MAST4: variants seen among roughly 807,000 people sequenced by gnomAD.
MAST4 encodes microtubule-associated serine/threonine-protein kinase 4.
In MAST4, 89 loss-of-function variants were observed where a neutral mutation model predicts 162.7. The observed-to-expected ratio is 0.55, with a 90% confidence interval of 0.46 to 0.65. The LOEUF is 0.65. Ranked by LOEUF, MAST4 falls within the 30% of genes least tolerant of loss-of-function variation. The pLI is 0.00. For missense variants in MAST4, 3,153 were observed against 3,374.0 expected (o/e 0.93, Z 1.62); for synonymous variants, 1,479 against 1,361.1 (o/e 1.09, Z -1.91).
chr5:66,741,705 G>A (rs1373370031), intron 1 of MAST4, among the ~76,000 whole-genome samples: 3 of 152,114 alleles, frequency 2.0e-5, no homozygotes, highest in African/African-American at 7.2e-5. Flanking sequence ...AGAGAAATAT[G>A]TGGAATTGGA....
At chr5:66,604,656 G>A (rs1742763653) in intron 1 of MAST4, among the ~76,000 whole-genome samples, 2 of 152,166 alleles carry the variant, frequency 1.3e-5, no homozygotes, top group African/African-American at 4.8e-5. Flanking sequence ...CTTAGAACTT[G>A]GCTAGCTCCT....
At chr5:67,157,869 A>G (rs1308459115) in intron 26 of MAST4, among the ~76,000 whole-genome samples, 1 of 152,240 alleles carries the variant, frequency 6.6e-6, no homozygotes, top group Admixed American at 6.5e-5. Context: ...GTTTGTGAAA[A>G]TAAATTTAGA....
intron 1 of MAST4, among the ~76,000 whole-genome samples, chr5:66,643,232 T>C (rs1385522969): frequency 6.6e-6 from 1 of 152,164 alleles, no homozygotes; most frequent in African/African-American, 2.4e-5. Context: ...GGGAACCATA[T>C]TTTCTCAGAA....
intron 3 of MAST4, among the ~76,000 whole-genome samples, chr5:66,882,304 A>G (rs1456507379): frequency 1.3e-5 from 2 of 152,118 alleles, no homozygotes; most frequent in Non-Finnish European, 2.9e-5. Flanking sequence ...GTCCTTGGAC[A>G]TTATCTACTT....
intron 1 of MAST4, among the ~76,000 whole-genome samples, chr5:66,618,032 A>AGGGGG (rs200289959): frequency 3.4e-5 from 5 of 145,448 alleles, no homozygotes; most frequent in Non-Finnish European, 4.6e-5. Flanking sequence ...TCTGGGAGGA[A>AGGGGG]TGGGGGGGGG....
At chr5:66,826,394 C>T (rs145763566) in intron 3 of MAST4, among the ~76,000 whole-genome samples, 11 of 152,092 alleles carry the variant, frequency 7.2e-5, no homozygotes, top group African/African-American at 2.2e-4. Context: ...CCACCACCTC[C>T]CAAACACCTC....
chr5:67,059,923 A>G (rs1318351217), intron 5 of MAST4, among the ~76,000 whole-genome samples: 1 of 152,076 alleles, frequency 6.6e-6, no homozygotes, highest in South Asian at 2.1e-4. Context: ...ACAAAACAAA[A>G]CATCCCGAAT....
chr5:66,940,372 G>A lies in MAST4; in HGVS notation c.674+40390G>A, dbSNP rs559890984. 3.3e-4 allele frequency among the ~76,000 whole-genome samples: 50 copies of A among 152,192 alleles called. 1 individual carries two copies. The highest frequency in any genetic ancestry group is 6.2e-4 in the South Asian group (3 of 4,820). On this transcript the variant is annotated intron_variant, in intron 4 of 28. Coordinates refer to ENST00000403625, the MANE Select transcript of MAST4 (RefSeq NM_001164664.2). ...TATCCATAGCAGTCAATGCTATTTG[G>A]TAGCATTTTATCCACAGTATAACTT...
At chr5:67,023,268 T>C (rs1002475671) in intron 4 of MAST4, among the ~76,000 whole-genome samples, 4 of 152,126 alleles carry the variant, frequency 2.6e-5, no homozygotes, top group Admixed American at 2.0e-4. Flanking sequence ...GGAGAGATAG[T>C]GAGATAAAGG....
At chr5:66,704,163 C>T (rs1749964877) in intron 1 of MAST4, among the ~76,000 whole-genome samples, 1 of 151,880 alleles carries the variant, frequency 6.6e-6, no homozygotes, top group South Asian at 2.1e-4. Flanking sequence ...TTTATTATAC[C>T]ACGTCTATTT....
chr5:66,762,023 T>G (rs1753873827), intron 2 of MAST4, among the ~76,000 whole-genome samples: 2 of 152,230 alleles, frequency 1.3e-5, no homozygotes, highest in Non-Finnish European at 1.5e-5. Flanking sequence ...GCTAAAGCAG[T>G]TTACATAAAG....
In MAST4 at chr5:66,900,083, TAATC is replaced by T. The variant is rs768082900; in HGVS notation, c.674+104_674+107del. 1.0e-5 allele frequency: 8 copies of T among 800,962 alleles called. No homozygotes were observed. The South Asian group carries it at 1.9e-4, about 19-fold the overall frequency. 49.6% of individuals were successfully genotyped at this position (800,962 alleles called of 1,614,324 possible). A position where few individuals can be genotyped will look rare whatever the true frequency, so the allele number is the denominator to read the frequency against. The stretch of plus-strand genomic sequence containing the variant: ...TTAGTGGCAATTATAAAATGAATGA[TAATC>T]AACTGAAGAAAACAAAAAACTGAAT... On this transcript the variant is annotated intron_variant, in intron 4 of 28. Transcript: ENST00000403625.
chr5:66,597,047 G>A (rs1316388635), intron 1 of MAST4, 29 bp downstream of exon 1: 2 of 1,401,002 alleles, frequency 1.4e-6, no homozygotes, highest in Admixed American at 6.6e-5. Context: ...TGCCCACTCT[G>A]GGTTCCGGCA....
chr5:66,917,328 G>A (rs2150032803), intron 4 of MAST4: 1 of 310,998 alleles, frequency 3.2e-6, no homozygotes, highest in African/African-American at 2.1e-5. Flanking sequence ...ACTATTATGT[G>A]AAAGTATTAA....
At chr5:67,105,408 T>G (rs1164948618) in intron 10 of MAST4, among the ~76,000 whole-genome samples, 1 of 152,212 alleles carries the variant, frequency 6.6e-6, no homozygotes, top group African/African-American at 2.4e-5. Context: ...CTATCTATCC[T>G]TGCCCCTGCA....
chr5:66,720,315 T>A (rs113808451), intron 1 of MAST4, among the ~76,000 whole-genome samples: 2,595 of 152,190 alleles, frequency 0.017, 74 homozygotes, highest in African/African-American at 0.058. Flanking sequence ...CTGTACCATG[T>A]AACATTTTCA....
Position 66,645,334 on chromosome 5 carries a change from T to C in MAST4, c.363+48316T>C, listed in dbSNP as rs576658450. Among the ~76,000 whole-genome samples the C allele has an allele frequency of 5.0e-4, 76 of 152,348 alleles. No individual in the cohort carries two copies. The South Asian group carries it at 0.014, about 29-fold the overall frequency. On this transcript the variant is annotated intron_variant, in intron 1 of 28. Transcript: ENST00000403625. ...GCACACTGATTCTTATAGACAGTTA[T>C]CTAAAACGTGGCATTATAAATTTTG...
chr5:66,860,555 A>G (rs187539962), intron 3 of MAST4, among the ~76,000 whole-genome samples: 44 of 152,114 alleles, frequency 2.9e-4, no homozygotes, highest in Non-Finnish European at 5.7e-4. Context: ...TTCTTTAACT[A>G]TCTTTCAGCT....
chr5:66,704,321 C>T (rs1310947972), intron 1 of MAST4, among the ~76,000 whole-genome samples: 1 of 152,074 alleles, frequency 6.6e-6, no homozygotes, highest in African/African-American at 2.4e-5. Flanking sequence ...ATCCTGAGAA[C>T]TACTTCATTG....
Sources: allele counts gnomAD v4.1 joint callset (sites outside exome capture counted in the v4.1 genomes callset), GRCh38; gene constraint gnomAD v4.1.1; transcripts MANE v1.5; gene names NCBI Gene and HGNC (gene_info 2026-07-23, HGNC 2026-07-21).